Variants in PKHD1 observed in about 807,000 individuals in gnomAD.
The protein encoded by PKHD1 is PKHD1 ciliary IPT domain containing fibrocystin/polyductin.
Under a neutral mutation model 412.0 loss-of-function variants are expected in PKHD1, and 291 were observed. The ratio of observed to expected loss-of-function variants is 0.71; its 90% CI spans 0.64 to 0.78. The LOEUF is 0.78. Ranked by LOEUF, PKHD1 falls within the 30% of genes least tolerant of loss-of-function variation. PKHD1 has a pLI of 0.00. For missense variants in PKHD1, 4,825 were observed against 4,950.7 expected, an observed-to-expected ratio of 0.97 and a Z score of 0.76; for synonymous variants, 1,777 against 1,821.5, an observed-to-expected ratio of 0.98 and a Z score of 0.62.
chr6:51,900,007 G>A (rs890637682), intron 43 of PKHD1, among the ~76,000 whole-genome samples: 2 of 152,072 alleles, frequency 1.3e-5, no homozygotes, highest in African/African-American at 2.4e-5. Context: ...ACTGCTCAAG[G>A]AAATCAAAGA....
At chr6:52,057,027 C>T (rs372371027) in intron 16 of PKHD1, 48 bp from the exon 17 acceptor site, 16 of 1,222,288 alleles carry the variant, frequency 1.3e-5, no homozygotes, top group Middle Eastern at 1.9e-4. Context: ...CTAATTAAGC[C>T]AGAGAGACAA....
chr6:51,989,746 T>C (rs1271643798), intron 35 of PKHD1, among the ~76,000 whole-genome samples: 3 of 150,802 alleles, frequency 2.0e-5, no homozygotes, highest in Admixed American at 6.6e-5. Flanking sequence ...AATTAGACCA[T>C]TAAAATACCT....
chr6:51,747,842 C>T lies in PKHD1; in HGVS notation c.9774G>A (p.Glu3258=). 6.2e-7 allele frequency: 1 copy of T among 1,613,834 alleles called. No homozygotes were observed. The highest frequency in any genetic ancestry group is 8.5e-7 in the Non-Finnish European group (1 of 1,179,788). The change falls in exon 58 of 67, where the codon GAG becomes GAA. Residue 3258 remains glutamate (E), a synonymous_variant. Transcript: ENST00000371117. ...GATCATTCCTCACTTTGTGCCATGG[C>T]TCCTGAGGCCACTGATTTGGTTCTG... ...FTSEPNQWPQ[E]PWHKVRNDHS...
In PKHD1 at chr6:52,080,820, AT is replaced by A. The variant is rs1054378025; in HGVS notation, c.282-813del. 5.0e-4 allele frequency among the ~76,000 whole-genome samples: 76 copies of A among 152,248 alleles called. 6 individuals carry two copies. Among genetic ancestry groups the A allele is most frequent in the Non-Finnish European group, 2.9e-5 (2 of 68,046 alleles). On this transcript the variant is annotated intron_variant, in intron 4 of 66. Coordinates refer to ENST00000371117, the MANE Select transcript of PKHD1 (RefSeq NM_138694.4). ...CATTATTAATTTATATAGATTACAT[AT>A]TGAAATAATATTTTAGATATGTTGA... is the stretch of plus-strand genomic sequence containing the variant.
chr6:51,739,868 C>G (rs1784346794), intron 60 of PKHD1: 1 of 364,478 alleles, frequency 2.7e-6, no homozygotes, highest in Non-Finnish European at 5.9e-6. Context: ...CCTGACACTG[C>G]TGGTGCCCCA....
At chr6:52,049,836 C>T (rs1196047621) in intron 22 of PKHD1, among the ~76,000 whole-genome samples, 1 of 152,116 alleles carries the variant, frequency 6.6e-6, no homozygotes, top group East Asian at 1.9e-4. Flanking sequence ...GCACAAAATG[C>T]CACTATTTTT....
rs1292888938 is a variant in PKHD1, at chr6:52,024,653, A to G, written c.5157T>C (p.Tyr1719=). The change falls in exon 32 of 67, where the codon TAT becomes TAC. Residue 1719 remains tyrosine, a synonymous_variant. Transcript: ENST00000371117. ...LPAGEYHVRG[Y]DCIRGWASSA... is the part of the protein sequence containing the mutation. ...ATGAGGCCCACCCTCTGATGCAGTCATAGCCTCTGACGTGGTACTCCCCGG... is the reference window on the plus strand; with the variant it reads ...ATGAGGCCCACCCTCTGATGCAGTCGTAGCCTCTGACGTGGTACTCCCCGG... 6.2e-7 allele frequency: 1 copy of G among 1,614,068 alleles called. No individual in the cohort carries two copies. The highest frequency in any genetic ancestry group is 1.3e-5 in the African/African-American group (1 of 74,922).
intron 33 of PKHD1, among the ~76,000 whole-genome samples, chr6:52,021,824 A>C (rs879798431): frequency 6.6e-6 from 1 of 152,092 alleles, no homozygotes; most frequent in Non-Finnish European, 1.5e-5. Flanking sequence ...TTTCCATCAC[A>C]ATAGCATTAT....
rs1005429361 is a variant in PKHD1, at chr6:52,017,667, G to A, written c.5381-38C>T. The A allele has an allele frequency of 2.0e-6, 3 of 1,482,204 alleles. No individual in the cohort carries two copies. The South Asian group carries it at 3.4e-5, about 17-fold the overall frequency. 91.8% of individuals were successfully genotyped at this position (1,482,204 alleles called of 1,614,324 possible). ...GTCACCATTAGGAAAGAACCACAGA[G>A]AGAACCTAAGGCCTCTAGTCGGTTT... On this transcript the variant is annotated intron_variant, in intron 33 of 66. Coordinates refer to ENST00000371117, the MANE Select transcript of PKHD1 (RefSeq NM_138694.4).
intron 49 of PKHD1, 108 bp downstream of exon 49, chr6:51,855,785 C>A: frequency 1.1e-6 from 1 of 907,534 alleles, no homozygotes; most frequent in South Asian, 1.3e-5. Context: ...TATGCCAAGA[C>A]TTTCAATAAC....
At chr6:51,696,914 T>C (rs140623717) in intron 60 of PKHD1, among the ~76,000 whole-genome samples, 17 of 152,300 alleles carry the variant, frequency 1.1e-4, no homozygotes, top group African/African-American at 2.2e-4. Flanking sequence ...TTGGGCCTGG[T>C]GTGGTGGCTC....
At chr6:51,944,464 G>A (rs1329357888) in intron 36 of PKHD1, among the ~76,000 whole-genome samples, 2 of 151,908 alleles carry the variant, frequency 1.3e-5, no homozygotes, top group Non-Finnish European at 2.9e-5. Context: ...TTTTTTTTAG[G>A]CTTTTGTATT....
At chr6:51,864,633 C>A (rs959671520) in intron 48 of PKHD1, among the ~76,000 whole-genome samples, 1 of 152,076 alleles carries the variant, frequency 6.6e-6, no homozygotes, top group Non-Finnish European at 1.5e-5. Context: ...AGAAAAAAAT[C>A]ATAAATCCCA....
Position 51,659,104 on chromosome 6 carries a change from G to A in PKHD1, c.11022C>T (p.Ser3674=). The A allele has an allele frequency of 1.2e-6, 2 of 1,613,818 alleles. No individual in the cohort carries two copies. The highest frequency in any genetic ancestry group is 1.7e-6 in the Non-Finnish European group (2 of 1,179,844). The change falls in exon 61 of 67, where the codon AGC becomes AGT. Residue 3674 remains serine (S), a synonymous_variant. Transcript: ENST00000371117. ...TTGATAAGGATGAAATCATTCCAGT[G>A]CTCCTTACTGTTGGCGAATCACCAA... ...IEIGDSPTVR[S]TGMISSLSSN...
rs977508732 is a variant in PKHD1 at position 51,795,749 on chromosome 6, A to G, written c.8303-4376T>C. ...AATTTGAATGTATGTTGAATTTATC[A>G]AAGGGCTTTTCTGCATCTGTTGAGA... is the stretch of plus-strand genomic sequence containing the variant. On this transcript the variant is annotated intron_variant, in intron 52 of 66. Coordinates refer to ENST00000371117, the MANE Select transcript of PKHD1 (RefSeq NM_138694.4). 5.7e-4 allele frequency among the ~76,000 whole-genome samples: 87 copies of G among 152,288 alleles called. 1 individual carries two copies. Among genetic ancestry groups the G allele is most frequent in the African/African-American group, 1.9e-3 (81 of 41,568 alleles).
chr6:51,950,220 A>AATATATATATATATATATAT (rs1333126139), intron 36 of PKHD1, among the ~76,000 whole-genome samples: 22 of 98,284 alleles, frequency 2.2e-4, no homozygotes, highest in South Asian at 1.7e-3. Context: ...GAAAAAAAAA[A>AATATATATATATATATATAT]ATATATATAT....
chr6:51,839,120 TTTG>T (rs1229218069), intron 50 of PKHD1, among the ~76,000 whole-genome samples: 1 of 152,192 alleles, frequency 6.6e-6, no homozygotes, highest in Non-Finnish European at 1.5e-5. Flanking sequence ...TCTGCTAAAG[TTTG>T]TTAAGTGTGT....
intron 11 of PKHD1, among the ~76,000 whole-genome samples, chr6:52,067,692 A>G (rs2128226062): frequency 6.6e-6 from 1 of 152,330 alleles, no homozygotes; most frequent in Admixed American, 6.5e-5. Flanking sequence ...AGGAGAGGGC[A>G]TTTAAAGCAA....
At chr6:51,915,115 G>T (rs1220001274) in intron 37 of PKHD1, among the ~76,000 whole-genome samples, 2 of 152,050 alleles carry the variant, frequency 1.3e-5, no homozygotes, top group African/African-American at 2.4e-5. Flanking sequence ...TGACAGAGAA[G>T]ATATGGGGTC....
Sources: allele counts gnomAD v4.1 joint callset (sites outside exome capture counted in the v4.1 genomes callset), GRCh38; gene constraint gnomAD v4.1.1; transcripts MANE v1.5; gene names NCBI Gene and HGNC (gene_info 2026-07-23, HGNC 2026-07-21).